MAPK6: variants seen among roughly 807,000 people sequenced by gnomAD.
MAPK6 encodes the protein mitogen-activated protein kinase 6.
In MAPK6, 19 loss-of-function variants were observed where a neutral mutation model predicts 59.3. The ratio of observed to expected loss-of-function variants is 0.32; its 90% confidence interval spans 0.22 to 0.47. MAPK6 has a LOEUF of 0.47. Among genes scored for constraint, MAPK6 ranks in the 20% least tolerant of loss-of-function variants. The pLI is 1.00. For missense variants in MAPK6, 724 were observed against 847.9 expected (o/e 0.85, Z 1.81); for synonymous variants, 316 against 290.3 (o/e 1.09, Z -0.90).
rs71130125 is a variant in MAPK6 at position 52,043,742 on chromosome 15, A to ATTTTTTTTTTTTTTT, written c.-631-2068_-631-2054dup. 2.5e-4 allele frequency among the ~76,000 whole-genome samples: 10 copies of ATTTTTTTTTTTTTTT among 40,660 alleles called. 1 individual carries two copies. Among genetic ancestry groups the ATTTTTTTTTTTTTTT allele is most frequent in the African/African-American group, 3.6e-4 (4 of 11,090 alleles). The allele number at this position is 40,660 out of a possible 152,430, so 26.7% of individuals were successfully genotyped here. On this transcript the variant is annotated intron_variant, in intron 1 of 5. Transcript: ENST00000261845. The stretch of plus-strand genomic sequence containing the variant: ...TGATATGTTGGACTTAAGTTGTTTG[A>ATTTTTTTTTTTTTTT]TTTTTTTTTTTTTTTTTTTTTTTTT...
At position 52,064,515 on chromosome 15, in the gene MAPK6, G is replaced by C. The variant is rs2032335831; in HGVS notation, c.1681G>C (p.Glu561Gln). ...CTTGAATAGCTCAGTGTCCCAACTAGAATTGAAAAGTTTGATATCAAAGTC... is the reference window on the plus strand; with the variant it reads ...CTTGAATAGCTCAGTGTCCCAACTACAATTGAAAAGTTTGATATCAAAGTC... The part of the protein sequence containing the change: ...NDLNSSVSQL[E>Q]LKSLISKSVS... Residue 561 changes from glutamate (E) to glutamine (Q), a missense_variant, in exon 6 of 6, where the codon GAA becomes CAA. Glu to Gln is a conservative substitution (Grantham distance 29). Transcript: ENST00000261845. 4 of 1,609,470 alleles carry C rather than the reference G, an allele frequency of 2.5e-6. No individual in the cohort carries two copies. The highest frequency in any genetic ancestry group is 3.4e-6 in the Non-Finnish European group (4 of 1,179,048).
At chr15:51,982,650 G>A (rs1007984939) in intron 1 of MAPK6, among the ~76,000 whole-genome samples, 1 of 152,090 alleles carries the variant, frequency 6.6e-6, no homozygotes, top group Admixed American at 6.6e-5. Context: ...ATGATAAAAT[G>A]AGGCAGTGTT....
At chr15:52,035,623 T>TA (rs766482064) in intron 1 of MAPK6, 2,374 of 126,656 alleles carry the variant, frequency 0.019, 53 homozygotes, top group African/African-American at 0.06. Context: ...GACACCATCT[T>TA]AAAAAAAAAA....
intron 1 of MAPK6, among the ~76,000 whole-genome samples, chr15:52,036,884 G>A (rs1284783320): frequency 6.7e-6 from 1 of 148,206 alleles, no homozygotes; most frequent in African/African-American, 2.5e-5. Context: ...AGGAATAAAA[G>A]AATGGCTACT....
chr15:52,029,718 A>G (rs1006539371), intron 1 of MAPK6, among the ~76,000 whole-genome samples: 21 of 152,172 alleles, frequency 1.4e-4, no homozygotes, highest in Admixed American at 1.4e-3. Flanking sequence ...CTAATCCATC[A>G]TCAAGTTCTT....
At chr15:51,990,886 G>A (rs557433535) in intron 2 of MAPK6, among the ~76,000 whole-genome samples, 6 of 152,054 alleles carry the variant, frequency 3.9e-5, no homozygotes, top group Admixed American at 6.6e-5. Flanking sequence ...CTCGGGAGGC[G>A]GAACTTGCAG....
At chr15:52,040,972 G>A (rs1356492164) in intron 1 of MAPK6, among the ~76,000 whole-genome samples, 2 of 152,098 alleles carry the variant, frequency 1.3e-5, no homozygotes, top group Non-Finnish European at 2.9e-5. Flanking sequence ...TATCGAACCA[G>A]CTAATTAAAC....
chr15:51,972,463 T>C (rs1188927636), intron 1 of MAPK6, among the ~76,000 whole-genome samples: 2 of 130,824 alleles, frequency 1.5e-5, no homozygotes, highest in African/African-American at 5.8e-5. Flanking sequence ...CGGTAATAAA[T>C]TTTTAAGTTA....
At chr15:52,060,874 T>G (rs1280725410) in intron 4 of MAPK6, among the ~76,000 whole-genome samples, 1 of 152,228 alleles carries the variant, frequency 6.6e-6, no homozygotes, top group Non-Finnish European at 1.5e-5. Flanking sequence ...TTTTTGTACC[T>G]TATGAAATAT....
At chr15:52,023,130 C>CAAAAA (rs2030610246) in intron 1 of MAPK6, among the ~76,000 whole-genome samples, 2 of 109,484 alleles carry the variant, frequency 1.8e-5, no homozygotes, top group Admixed American at 9.6e-5. Flanking sequence ...AAAAAAAAAC[C>CAAAAA]GAAAAACAAA....
rs1317889511 is a variant in MAPK6 at position 51,998,513 on chromosome 15, TTTTTTTCTCCCCTCTCTC to T, written c.-769-5745_-769-5728del. Among the ~76,000 whole-genome samples the T allele has an allele frequency of 8.5e-4, 127 of 148,562 alleles. 1 individual carries two copies. The highest frequency in any genetic ancestry group is 3.1e-3 in the African/African-American group (123 of 40,062). On this transcript the variant is annotated intron_variant, in intron 2 of 7. Transcript: ENST00000691380. ...AGCCACCGCACCTGGCCTTTTTTTTTTTTTTTCTCCCCTCTCTCTTTTTTTTGAGGCAGAGTCTCACTC... is the reference window on the plus strand; with the variant it reads ...AGCCACCGCACCTGGCCTTTTTTTTTTTTTTTTTGAGGCAGAGTCTCACTC...
chr15:52,036,764 CT>C (rs535946933), intron 1 of MAPK6, among the ~76,000 whole-genome samples: 79 of 152,196 alleles, frequency 5.2e-4, no homozygotes, highest in African/African-American at 1.8e-3. Flanking sequence ...CGCAAGCTTT[CT>C]TTTTTTCTTC....
At chr15:52,032,589 T>C (rs1260467062) in intron 1 of MAPK6, among the ~76,000 whole-genome samples, 1 of 152,238 alleles carries the variant, frequency 6.6e-6, no homozygotes, top group Non-Finnish European at 1.5e-5. Flanking sequence ...TTACATTTGG[T>C]GTATTTTTCT....
chr15:52,019,841 G>A (rs2030443902), intron 1 of MAPK6: 2 of 152,548 alleles, frequency 1.3e-5, no homozygotes, highest in South Asian at 4.1e-4. Context: ...AACATGAGGT[G>A]GCGTGGAGTC....
chr15:52,003,343 A>G (rs1566896817), intron 2 of MAPK6, among the ~76,000 whole-genome samples: 1 of 152,152 alleles, frequency 6.6e-6, no homozygotes, highest in Non-Finnish European at 1.5e-5. Flanking sequence ...GGGGATTACA[A>G]TTTGAGATGA....
intron 1 of MAPK6, among the ~76,000 whole-genome samples, chr15:51,978,571 A>G (rs1384838642): frequency 6.6e-6 from 1 of 151,914 alleles, no homozygotes; most frequent in African/African-American, 2.4e-5. Flanking sequence ...AAATAGGTTT[A>G]GATCAGTTTG....
intron 3 of MAPK6, among the ~76,000 whole-genome samples, chr15:52,055,125 A>C (rs774103046): frequency 4.6e-5 from 7 of 152,232 alleles, no homozygotes; most frequent in Non-Finnish European, 7.3e-5. Flanking sequence ...TCAGAAAAAC[A>C]AGCCAGGTGT....
intron 2 of MAPK6, among the ~76,000 whole-genome samples, chr15:51,992,293 A>ATC (rs56098548): frequency 0.17 from 16,905 of 100,666 alleles, 1,408 homozygotes; most frequent in African/African-American, 0.28. Context: ...CTATCTATCT[A>ATC]TATATATATA....
At chr15:51,984,374 C>T (rs753811220) in intron 2 of MAPK6, among the ~76,000 whole-genome samples, 1 of 151,408 alleles carries the variant, frequency 6.6e-6, no homozygotes, top group African/African-American at 2.4e-5. Flanking sequence ...CTCCGCCTTC[C>T]GGGTTCACGC....
Sources: gnomAD v4.1 joint callset for allele counts (sites outside exome capture counted in the v4.1 genomes callset) on GRCh38, gnomAD v4.1.1 for gene constraint, MANE v1.5 for transcripts, NCBI Gene and HGNC (gene_info 2026-07-23, HGNC 2026-07-21) for gene names.